The following MOV10 variants were observed in gnomAD, a reference collection of about 807,000 sequenced individuals.
MOV10 encodes Mov10 RNA helicase.
MOV10 carries 39 observed loss-of-function variants against 108.4 expected under a neutral mutation model. That is an observed-to-expected ratio of 0.36 (90% CI 0.28 to 0.47). The LOEUF (loss-of-function observed/expected upper bound fraction) is 0.47, where lower values mean the gene tolerates loss of function less well. MOV10 is among the 20% of genes least tolerant of loss of function. The pLI, the probability that MOV10 is intolerant of heterozygous loss-of-function variation, is 1.00. For missense variants in MOV10, 952 were observed against 1,297.6 expected (o/e 0.73, Z 4.09); for synonymous variants, 490 against 523.1 (o/e 0.94, Z 0.86).
intron 19 of MOV10, 39 bp from the exon 20 acceptor site, chr1:112,700,180 A>G: frequency 6.2e-7 from 1 of 1,613,568 alleles, no homozygotes; most frequent in African/African-American, 1.3e-5. Context: ...ACCGTGGCTT[A>G]GCCTCCAGTC....
At position 112,691,654 on chromosome 1, in the gene MOV10, C is replaced by G. The variant is rs767688494; in HGVS notation, c.837-11C>G. 6.2e-7 allele frequency: 1 copy of G among 1,611,294 alleles called. No individual in the cohort carries two copies. The highest frequency in any genetic ancestry group is 1.1e-5 in the South Asian group (1 of 90,984). On this transcript the variant is annotated splice_polypyrimidine_tract_variant and intron_variant, in intron 5 of 20. Transcript: ENST00000369645. Reference sequence around the variant, plus strand: ...AGGGGTTTTCTGTGTTTTCTTCCCTCGATTCTGCAGCGCTAAGGGCTATGA... The same window carrying G: ...AGGGGTTTTCTGTGTTTTCTTCCCTGGATTCTGCAGCGCTAAGGGCTATGA...
intron 2 of MOV10, among the ~76,000 whole-genome samples, chr1:112,682,436 T>C (rs1012962828): frequency 2.0e-5 from 3 of 152,184 alleles, no homozygotes; most frequent in Middle Eastern, 3.2e-3. Context: ...TTGTGCAGGG[T>C]GGTCTTGAAC....
chr1:112,688,357 G>GA, intron 2 of MOV10: 1 of 990,378 alleles, frequency 1.0e-6, no homozygotes, highest in Non-Finnish European at 1.2e-6. Flanking sequence ...GATCTCTGGA[G>GA]AAGGATCCTT....
At chr1:112,689,228 A>G (rs1673342909) in intron 3 of MOV10, 90 bp downstream of exon 3, 1 of 1,351,528 alleles carries the variant, frequency 7.4e-7, no homozygotes, top group Non-Finnish European at 1.0e-6. Flanking sequence ...TGGGTTACAC[A>G]AGTGGGAATA....
At chr1:112,683,649 G>A (rs992748878) in intron 2 of MOV10, among the ~76,000 whole-genome samples, 18 of 152,112 alleles carry the variant, frequency 1.2e-4, no homozygotes, top group Admixed American at 6.5e-4. Flanking sequence ...TGGTTGTTCC[G>A]TATCCTTACC....
At chr1:112,681,007 A>T (rs1672606062) in intron 2 of MOV10, among the ~76,000 whole-genome samples, 1 of 151,874 alleles carries the variant, frequency 6.6e-6, no homozygotes, top group Non-Finnish European at 1.5e-5. Flanking sequence ...CGGTTCATTT[A>T]TCTCTTTTTG....
chr1:112,693,912 A>T (rs1110042), intron 7 of MOV10, 106 bp from the exon 8 acceptor site: 223,073 of 936,866 alleles, frequency 0.24, 30,583 homozygotes, highest in East Asian at 0.57. Flanking sequence ...CTTAGGTTAG[A>T]AGGCCAGTCT....
intron 2 of MOV10, among the ~76,000 whole-genome samples, chr1:112,681,788 TCAGTA>T (rs2101278764): frequency 6.6e-6 from 1 of 151,302 alleles, no homozygotes; most frequent in South Asian, 2.1e-4. Context: ...GTTACAGACA[TCAGTA>T]CACTTCACTC....
chr1:112,694,942 G>A lies in MOV10; in HGVS notation c.1620+46G>A. ...TGGGGCCTGCACTCTGATTCCCCCA[G>A]CACCAAGCAGTTGTCCCCAGATTCT... is the stretch of plus-strand genomic sequence containing the variant. On this transcript the variant is annotated intron_variant, in intron 10 of 20. Coordinates refer to ENST00000369645, the MANE Select transcript of MOV10 (RefSeq NM_001321324.2). This position sits in a 1 kb window ranked among gnomAD's most constrained non-coding sequence, Gnocchi z 4.1. 1 of 1,571,104 alleles carries A rather than the reference G, an allele frequency of 6.4e-7. No homozygotes were observed. Among genetic ancestry groups the A allele is most frequent in the Non-Finnish European group, 8.7e-7 (1 of 1,154,452 alleles).
rs991609398 is a variant in MOV10 at position 112,674,820 on chromosome 1, C to T, written c.-65-28C>T. 8 of 1,323,714 alleles carry T rather than the reference C, an allele frequency of 6.0e-6. No homozygotes were observed. In the East Asian group the frequency reaches 1.7e-4, roughly 27 times the overall value. The allele number at this position is 1,323,714 out of a possible 1,614,324, so 82.0% of individuals were successfully genotyped here. ...GTTAGGGGGCTTCCCTCCTGCTGCA[C>T]CCTCATCTCAGGGCCGCCAACTTCC... On this transcript the variant is annotated intron_variant, in intron 1 of 20. Coordinates refer to ENST00000369645, the MANE Select transcript of MOV10 (RefSeq NM_001321324.2).
chr1:112,676,706 G>C (rs534746212), intron 2 of MOV10, among the ~76,000 whole-genome samples: 1 of 152,296 alleles, frequency 6.6e-6, no homozygotes, highest in Admixed American at 6.5e-5. Context: ...TCAAAGGCGG[G>C]AATGAGGAAC....
chr1:112,691,610 C>G, intron 5 of MOV10, 55 bp from the exon 6 acceptor site: 1 of 1,588,068 alleles, frequency 6.3e-7, no homozygotes, highest in South Asian at 1.1e-5. Flanking sequence ...GAGGGGCGTT[C>G]TCAGAGTGTT....
intron 17 of MOV10, 60 bp from the exon 18 acceptor site, chr1:112,699,625 G>C: frequency 6.2e-7 from 1 of 1,609,244 alleles, no homozygotes; most frequent in Non-Finnish European, 8.5e-7. Flanking sequence ...AAGCTCCCTG[G>C]GGTAGGGCAC....
rs1672078367 is a variant in MOV10 at position 112,675,106 on chromosome 1, C to T, written c.137+57C>T. 6.4e-7 allele frequency: 1 copy of T among 1,561,814 alleles called. No individual in the cohort carries two copies. ...GCGGGCCCAGCTTGCTGCCACGACCCCCGCGCGAGGGCCACCTTTCCCGCC... is the reference window on the plus strand; with the variant it reads ...GCGGGCCCAGCTTGCTGCCACGACCTCCGCGCGAGGGCCACCTTTCCCGCC... On this transcript the variant is annotated intron_variant, in intron 2 of 20. Transcript: ENST00000369645. This position sits in a 1 kb window ranked among gnomAD's most constrained non-coding sequence, Gnocchi z 4.7.
At chr1:112,687,446 T>C (rs1161138349) in intron 2 of MOV10, among the ~76,000 whole-genome samples, 1 of 152,194 alleles carries the variant, frequency 6.6e-6, no homozygotes, top group African/African-American at 2.4e-5. Flanking sequence ...AACAAAGATT[T>C]GCTTTTAAGG....
chr1:112,688,806 C>T, intron 2 of MOV10, 129 bp from the exon 3 acceptor site: 1 of 1,515,812 alleles, frequency 6.6e-7, no homozygotes. Context: ...TCTCTGGGCC[C>T]CATCCTGCTC....
rs909892988 is a variant in MOV10 at position 112,696,974 on chromosome 1, C to G, written c.2198+128C>G. ...GGTTGTGTGATGCAGAAAGACTAAA[C>G]TGGAAGGCAGGAGGTTTTTCTAGCC... On this transcript the variant is annotated intron_variant, in intron 14 of 20. Transcript: ENST00000369645. 1.7e-5 allele frequency: 14 copies of G among 805,934 alleles called. No individual in the cohort carries two copies. In the African/African-American group the frequency reaches 1.9e-4, roughly 11 times the overall value. 49.9% of individuals were successfully genotyped at this position (805,934 alleles called of 1,614,324 possible). A position where few individuals can be genotyped will look rare whatever the true frequency, so the allele number is the denominator to read the frequency against.
chr1:112,689,766 C>T (rs1673411973), intron 4 of MOV10, 74 bp from the exon 5 acceptor site: 2 of 1,587,498 alleles, frequency 1.3e-6, no homozygotes, highest in South Asian at 2.3e-5. Context: ...GATGGGGCTT[C>T]CTGGGGGAGT....
chr1:112,681,400 A>G (rs556188122), intron 2 of MOV10, among the ~76,000 whole-genome samples: 39 of 152,188 alleles, frequency 2.6e-4, no homozygotes, highest in Non-Finnish European at 4.6e-4. Context: ...AGGCTGAGGC[A>G]GGAGAATCAC....
Sources: gnomAD v4.1 joint callset for allele counts (sites outside exome capture counted in the v4.1 genomes callset) on GRCh38, gnomAD v4.1.1 for gene constraint, Gnocchi (gnomAD v3.1) non-coding constraint, MANE v1.5 for transcripts, NCBI Gene and HGNC (gene_info 2026-07-23, HGNC 2026-07-21) for gene names.